Variants in CCDC73 observed in about 807,000 individuals in gnomAD.
CCDC73 encodes coiled-coil domain containing 73, also known as coiled-coil domain-containing protein 73.
A neutral mutation model predicts 116.5 loss-of-function variants in CCDC73; 95 were observed. The ratio of observed to expected loss-of-function variants is 0.82; its 90% CI spans 0.69 to 0.97. CCDC73 has a LOEUF of 0.97. Ranked by LOEUF, CCDC73 falls within the 50% of genes least tolerant of loss-of-function variation. CCDC73 has a pLI of 0.00. For synonymous variants in CCDC73, 398 were observed against 401.3 expected (o/e 0.99, Z 0.10); for missense variants, 1,066 against 1,206.8 (o/e 0.88, Z 1.73).
At chr11:32,672,499 G>T (rs1856048955) in intron 9 of CCDC73, among the ~76,000 whole-genome samples, 1 of 152,042 alleles carries the variant, frequency 6.6e-6, no homozygotes, top group African/African-American at 2.4e-5. Context: ...AAATTAATAT[G>T]AATGTTATTT....
At chr11:32,689,396 G>A (rs1369132577) in intron 6 of CCDC73, among the ~76,000 whole-genome samples, 1 of 152,098 alleles carries the variant, frequency 6.6e-6, no homozygotes, top group Non-Finnish European at 1.5e-5. Context: ...AATTTAAAAT[G>A]TATGAACCAC....
intron 7 of CCDC73, chr11:32,682,399 G>A (rs1160419332): frequency 6.6e-6 from 1 of 151,802 alleles, no homozygotes; most frequent in Non-Finnish European, 1.5e-5. Context: ...ATTCTTTCCA[G>A]TTGAATAGCA....
intron 6 of CCDC73, among the ~76,000 whole-genome samples, chr11:32,686,119 A>C (rs1856197238): frequency 6.7e-6 from 1 of 148,766 alleles, no homozygotes; most frequent in African/African-American, 2.5e-5. Context: ...GCAATAATCC[A>C]GATGAAAGAG....
chr11:32,796,980 C>G (rs1025954770), upstream of CCDC73, among the ~76,000 whole-genome samples: 3 of 144,768 alleles, frequency 2.1e-5, no homozygotes, highest in African/African-American at 7.8e-5. Context: ...CCACTCCACT[C>G]CAGCCTGGGT....
chr11:32,741,827 G>A (rs930294387), intron 2 of CCDC73, among the ~76,000 whole-genome samples: 1 of 151,764 alleles, frequency 6.6e-6, no homozygotes, highest in Non-Finnish European at 1.5e-5. Context: ...ACCCCCCACA[G>A]GCCCCTGTGT....
chr11:32,726,843 C>G (rs1850033845), intron 2 of CCDC73, among the ~76,000 whole-genome samples: 1 of 151,428 alleles, frequency 6.6e-6, no homozygotes, highest in Non-Finnish European at 1.5e-5. Context: ...TCTAAGTAGC[C>G]CATATGTTGA....
intron 2 of CCDC73, among the ~76,000 whole-genome samples, chr11:32,723,278 A>G (rs1850005589): frequency 6.6e-6 from 1 of 152,204 alleles, no homozygotes; most frequent in Admixed American, 6.5e-5. Flanking sequence ...TTTCTATATC[A>G]GAAATCTTTG....
intron 14 of CCDC73, among the ~76,000 whole-genome samples, chr11:32,632,370 C>T (rs147411404): frequency 6.6e-6 from 1 of 152,178 alleles, no homozygotes; most frequent in African/African-American, 2.4e-5. Flanking sequence ...GAACTACAGG[C>T]GCGTGCCACC....
At chr11:32,746,118 C>T (rs975245548) in intron 2 of CCDC73, among the ~76,000 whole-genome samples, 14 of 152,130 alleles carry the variant, frequency 9.2e-5, no homozygotes, top group Non-Finnish European at 1.6e-4. Flanking sequence ...TAAGGCAGGC[C>T]TGGTGGTGAC....
At chr11:32,761,681 G>T (rs1385406860) in intron 1 of CCDC73, among the ~76,000 whole-genome samples, 1 of 152,218 alleles carries the variant, frequency 6.6e-6, no homozygotes, top group South Asian at 2.1e-4. Flanking sequence ...AACAGAATAG[G>T]ATGGGTATGT....
At chr11:32,677,240 T>C (rs763719995) in intron 7 of CCDC73, among the ~76,000 whole-genome samples, 3 of 152,196 alleles carry the variant, frequency 2.0e-5, no homozygotes, top group Non-Finnish European at 4.4e-5. Flanking sequence ...CAGCATCCAT[T>C]TCCCTTACCT....
At chr11:32,658,115 C>T (rs1315161940) in intron 9 of CCDC73, among the ~76,000 whole-genome samples, 3 of 152,090 alleles carry the variant, frequency 2.0e-5, no homozygotes, top group Admixed American at 1.3e-4. Context: ...CAGATTCCAG[C>T]ATCTGCTTCA....
At chr11:32,678,882 CAA>C (rs55859897) in intron 7 of CCDC73, among the ~76,000 whole-genome samples, 14,128 of 131,256 alleles carry the variant, frequency 0.11, 889 homozygotes, top group Non-Finnish European at 0.16. Flanking sequence ...GGCTCCGTCA[CAA>C]AAAAAAAAAA....
intron 14 of CCDC73, among the ~76,000 whole-genome samples, chr11:32,619,505 T>C (rs942362619): frequency 2.6e-5 from 4 of 152,122 alleles, no homozygotes; most frequent in African/African-American, 9.7e-5. Context: ...ACCCCATCTC[T>C]ATGAAATATT....
At chr11:32,701,549 A>G (rs1849813119) in intron 4 of CCDC73, among the ~76,000 whole-genome samples, 2 of 152,138 alleles carry the variant, frequency 1.3e-5, no homozygotes, top group South Asian at 4.2e-4. Flanking sequence ...AAACTTTTAA[A>G]AAAAAATTTT....
Position 32,651,142 on chromosome 11 carries a change from C to T in CCDC73, c.939+1981G>A, listed in dbSNP as rs138155819. On this transcript the variant is annotated intron_variant, in intron 12 of 17. Coordinates refer to ENST00000335185, the MANE Select transcript of CCDC73 (RefSeq NM_001008391.4). The stretch of plus-strand genomic sequence containing the variant: ...CTAGACCCATCTACTATGTCCTGGA[C>T]GTGGGTGGGGAAGAGAATCTTCCCT... 7.5e-3 allele frequency among the ~76,000 whole-genome samples: 1,142 copies of T among 152,184 alleles called. 6 individuals are homozygous for T. The highest frequency in any genetic ancestry group is 0.012 in the Non-Finnish European group (785 of 67,996).
At chr11:32,621,691 A>T (rs2133228353) in intron 14 of CCDC73, among the ~76,000 whole-genome samples, 1 of 152,350 alleles carries the variant, frequency 6.6e-6, no homozygotes, top group East Asian at 1.9e-4. Flanking sequence ...GAGCTTCTGC[A>T]CAGCAAAAGA....
intron 2 of CCDC73, among the ~76,000 whole-genome samples, chr11:32,723,112 T>C (rs1327612252): frequency 6.6e-6 from 1 of 152,130 alleles, no homozygotes; most frequent in African/African-American, 2.4e-5. Context: ...CCCTCAAATT[T>C]AGGAAACCAT....
At chr11:32,750,919 A>G (rs1034140991) in intron 2 of CCDC73, among the ~76,000 whole-genome samples, 1 of 152,140 alleles carries the variant, frequency 6.6e-6, no homozygotes, top group Non-Finnish European at 1.5e-5. Flanking sequence ...AATATGCTGG[A>G]TCACACCTGA....
Sources: allele counts gnomAD v4.1 joint callset (sites outside exome capture counted in the v4.1 genomes callset), GRCh38; gene constraint gnomAD v4.1.1; transcripts MANE v1.5; gene names NCBI Gene and HGNC (gene_info 2026-07-23, HGNC 2026-07-21).